OGG1: variants seen among roughly 807,000 people sequenced by gnomAD.
The protein encoded by OGG1 is N-glycosylase/DNA lyase.
Under a neutral mutation model 42.3 loss-of-function variants are expected in OGG1, and 35 were observed. The observed-to-expected ratio is 0.83, with a 90% CI of 0.63 to 1.10. The LOEUF is 1.10. OGG1 is among the 50% of genes least tolerant of loss of function. OGG1 has a pLI of 0.00. For missense variants in OGG1, 484 were observed against 446.7 expected (o/e 1.08, Z -0.75); for synonymous variants, 189 against 179.0 (o/e 1.06, Z -0.44).
At chr3:9,760,938 G>C (rs2077834279), downstream of OGG1, 3 of 1,030,892 alleles carry the variant, frequency 2.9e-6, no homozygotes, top group Non-Finnish European at 4.1e-6. Context: ...TATCCTTTCT[G>C]TTCCTTGTAT....
chr3:9,760,410 G>A, downstream of OGG1: 1 of 443,118 alleles, frequency 2.3e-6, no homozygotes, highest in Admixed American at 3.6e-5. Flanking sequence ...ATAGGGGAGA[G>A]GTATTTTCAA....
chr3:9,752,055 C>A, intron 3 of OGG1, 106 bp downstream of exon 3: 1 of 1,121,708 alleles, frequency 8.9e-7, no homozygotes, highest in South Asian at 1.3e-5. Context: ...CAAACACTTC[C>A]CCTATCCAGA....
chr3:9,787,313 G>C, intron 3 of OGG1: 1 of 1,613,578 alleles, frequency 6.2e-7, no homozygotes, highest in African/African-American at 1.3e-5. Context: ...GCCCAGCGCT[G>C]GGAGTAGTGC....
At chr3:9,759,099 C>T (rs1202675435), downstream of OGG1, 1 of 1,088,518 alleles carries the variant, frequency 9.2e-7, no homozygotes. Flanking sequence ...TCAGCCCCTC[C>T]AGTCTGGCCA....
At chr3:9,756,681 TC>T in intron 5 of OGG1, 60 bp downstream of exon 5, 3 of 1,613,204 alleles carry the variant, frequency 1.9e-6, no homozygotes, top group Non-Finnish European at 2.5e-6. Flanking sequence ...CTTCTCTCTC[TC>T]TTAGTCACCT....
intron 1 of OGG1, 39 bp from the exon 2 acceptor site, chr3:9,750,906 G>A: frequency 1.2e-6 from 2 of 1,613,084 alleles, no homozygotes; most frequent in African/African-American, 1.3e-5. Context: ...TGCAAGAAAG[G>A]AAATTGAGTG....
chr3:9,754,670 G>C, intron 3 of OGG1, 34 bp from the exon 4 acceptor site: 1 of 1,610,152 alleles, frequency 6.2e-7, no homozygotes, highest in Non-Finnish European at 8.5e-7. Context: ...ACTTGAAGAT[G>C]CCTGATGCTT....
chr3:9,782,563 T>C lies in OGG1; in HGVS notation c.382+963T>C, dbSNP rs187177845. On this transcript the variant is annotated intron_variant, in intron 3 of 3. Transcript: ENST00000426518. The stretch of plus-strand genomic sequence containing the variant: ...CTTATCTTTACTGATCATCTGCTAG[T>C]AATCTGCAAGTCCCTTGCTCTGCCT... Among the ~76,000 whole-genome samples, 242 of 152,332 alleles carry C rather than the reference T, an allele frequency of 1.6e-3. 3 individuals carry two copies. The highest frequency in any genetic ancestry group is 0.01 in the Admixed American group (159 of 15,300).
chr3:9,751,552 A>T (rs1307212147), intron 2 of OGG1, among the ~76,000 whole-genome samples: 1 of 152,196 alleles, frequency 6.6e-6, no homozygotes, highest in Non-Finnish European at 1.5e-5. Flanking sequence ...CATGGAGCTT[A>T]CATTGTGGCC....
At chr3:9,762,985 G>T in intron 7 of OGG1, 2 of 1,614,132 alleles carry the variant, frequency 1.2e-6, no homozygotes, top group Non-Finnish European at 1.7e-6. Context: ...AAGATGAGGC[G>T]GCTGGCGTCC....
At chr3:9,780,928 CAGG>C (rs2078445367) in intron 2 of OGG1, among the ~76,000 whole-genome samples, 1 of 152,110 alleles carries the variant, frequency 6.6e-6, no homozygotes, top group Admixed American at 6.5e-5. Context: ...CACTTGAGCC[CAGG>C]AGTTCGAGAC....
intron 2 of OGG1, chr3:9,780,242 G>A: frequency 8.6e-7 from 1 of 1,159,144 alleles, no homozygotes; most frequent in Non-Finnish European, 1.2e-6. Context: ...GCCCTCTAGA[G>A]ACTGCCGCCA....
chr3:9,761,161 G>A (rs989762428), downstream of OGG1: 8 of 359,244 alleles, frequency 2.2e-5, no homozygotes, highest in African/African-American at 8.3e-5. Flanking sequence ...ATCACCTGAC[G>A]TCAGTTTGTA....
chr3:9,778,687 C>G (rs532494806), intron 2 of OGG1, among the ~76,000 whole-genome samples: 1 of 152,284 alleles, frequency 6.6e-6, no homozygotes, highest in Admixed American at 6.5e-5. Context: ...TCTCAGCATC[C>G]ACAGAGCAAT....
chr3:9,756,794 C>A lies in OGG1; in HGVS notation c.926C>A (p.Pro309His). ...AACTTTTTCCGGAGCCTGTGGGGAC[C>A]TTATGCTGGCTGGGCCCAAGCGGTG... ...LGNFFRSLWG[P>H]YAGWAQAVLF... is the part of the protein sequence containing the mutation. Residue 309 changes from proline (P) to histidine (H), a missense_variant, in exon 6 of 7, where the codon CCT (proline) becomes CAT (histidine). By Grantham distance (77) the Pro-to-His change is moderately conservative (BLOSUM62 -2). Coordinates refer to ENST00000344629, the MANE Select transcript of OGG1 (RefSeq NM_002542.6). 1 of 1,614,066 alleles carries A rather than the reference C, an allele frequency of 6.2e-7. No homozygotes were observed. Among genetic ancestry groups the A allele is most frequent in the Non-Finnish European group, 8.5e-7 (1 of 1,179,996 alleles).
At chr3:9,782,704 C>T (rs569886397) in intron 3 of OGG1, among the ~76,000 whole-genome samples, 2 of 151,194 alleles carry the variant, frequency 1.3e-5, no homozygotes, top group South Asian at 2.1e-4. Flanking sequence ...GGCAGGAGAA[C>T]TGCCTGAACC....
chr3:9,784,218 A>G, intron 3 of OGG1: 1 of 1,600,778 alleles, frequency 6.2e-7, no homozygotes, highest in South Asian at 1.1e-5. Flanking sequence ...GGCACACTGC[A>G]GCGGGAGGCA....
At chr3:9,756,976 C>G (rs2077597898) in intron 6 of OGG1, 85 bp from the exon 7 acceptor site, 4 of 1,612,442 alleles carry the variant, frequency 2.5e-6, no homozygotes, top group Non-Finnish European at 2.5e-6. Flanking sequence ...CCCAAGGACT[C>G]TTCCACCTCC....
intron 2 of OGG1, among the ~76,000 whole-genome samples, chr3:9,777,863 AG>A (rs551836197): frequency 1.3e-5 from 2 of 152,072 alleles, no homozygotes; most frequent in African/African-American, 4.8e-5. Flanking sequence ...GGTTAAGAGG[AG>A]GGGGGTCTTC....
Sources: gnomAD v4.1 joint callset for allele counts (sites outside exome capture counted in the v4.1 genomes callset) on GRCh38, gnomAD v4.1.1 for gene constraint, MANE v1.5 for transcripts, NCBI Gene and HGNC (gene_info 2026-07-23, HGNC 2026-07-21) for gene names.